The following CNGB1 variants were observed in gnomAD, a reference collection of about 807,000 sequenced individuals.
CNGB1 encodes cyclic nucleotide-gated channel beta-1.
A neutral mutation model predicts 151.7 loss-of-function variants in CNGB1; 126 were observed. The ratio of observed to expected loss-of-function variants is 0.83; its 90% confidence interval spans 0.72 to 0.96. The LOEUF (loss-of-function observed/expected upper bound fraction) is 0.96, where lower values mean the gene tolerates loss of function less well. Among genes scored for constraint, CNGB1 ranks in the 40% least tolerant of loss-of-function variants. The probability of loss-of-function intolerance (pLI) is 0.00; values close to 1 mark genes in which losing one functional copy is unlikely to be tolerated. For synonymous variants in CNGB1, 623 were observed against 635.1 expected (o/e 0.98, Z 0.29); for missense variants, 1,698 against 1,627.0 (o/e 1.04, Z -0.75).
chr16:57,965,272 C>T (rs1452144518), intron 2 of CNGB1, among the ~76,000 whole-genome samples: 7 of 151,934 alleles, frequency 4.6e-5, no homozygotes, highest in Non-Finnish European at 7.4e-5. Flanking sequence ...TGTGCACACA[C>T]GTACAGGCAA....
Position 57,931,779 on chromosome 16 carries a change from G to T in CNGB1, c.1472C>A (p.Pro491Gln), listed in dbSNP as rs199960733. ...GTCTGATTTGGCAGGAGACGGTGGC[G>T]GCAACACGGTTGAGGGTGGATTCTC... ...AEENPPSTVL[P>Q]PPSPAKSDTL... Residue 491 changes from proline to glutamine, a missense_variant, in exon 17 of 33, where the codon CCG (proline) becomes CAG (glutamine). Transcript: ENST00000251102. The T allele has an allele frequency of 6.2e-7, 1 of 1,614,140 alleles. No individual in the cohort carries two copies. Among genetic ancestry groups the T allele is most frequent in the South Asian group, 1.1e-5 (1 of 91,080 alleles).
At chr16:57,968,133 G>A (rs149523457) in intron 1 of CNGB1, among the ~76,000 whole-genome samples, 66 of 152,320 alleles carry the variant, frequency 4.3e-4, no homozygotes, top group East Asian at 3.1e-3. Flanking sequence ...CAGTTTGCTT[G>A]TCTGTAAAAT....
rs369555836 is a variant in CNGB1 at position 57,902,061 on chromosome 16, ATGTTTTTGTTGT to A, written c.2795-448_2795-437del. On this transcript the variant is annotated intron_variant, in intron 27 of 32. Transcript: ENST00000251102. ...CCTGTTTTTTTTGTTGTTGTTATTT[ATGTTTTTGTTGT>A]TGTTGTTGTTGTTGTTTTAGACAGT... 3.9e-3 allele frequency among the ~76,000 whole-genome samples: 584 copies of A among 151,122 alleles called. 1 individual carries two copies. The highest frequency in any genetic ancestry group is 0.014 in the African/African-American group (553 of 40,700).
At chr16:57,895,667 C>T (rs1399508818) in intron 31 of CNGB1, among the ~76,000 whole-genome samples, 1 of 151,772 alleles carries the variant, frequency 6.6e-6, no homozygotes, top group African/African-American at 2.4e-5. Context: ...GCTCCTAGGA[C>T]TCAGATCGTG....
chr16:57,945,778 C>A (rs1597002000), intron 14 of CNGB1, among the ~76,000 whole-genome samples: 1 of 152,328 alleles, frequency 6.6e-6, no homozygotes, highest in South Asian at 2.1e-4. Context: ...GCCATTCAGG[C>A]TGCCTTAGCC....
chr16:57,910,469 G>C (rs1341624542), intron 25 of CNGB1, among the ~76,000 whole-genome samples: 6 of 152,050 alleles, frequency 3.9e-5, no homozygotes, highest in African/African-American at 1.5e-4. Flanking sequence ...CCACCTCCCG[G>C]GTTCAAGTGA....
In CNGB1 at chr16:57,960,014, G is replaced by T. The variant is rs376293844; in HGVS notation, c.635C>A (p.Thr212Asn). The change falls in exon 10 of 33, where the codon ACC becomes AAC. Residue 212 changes from threonine to asparagine, a missense_variant. By Grantham distance (65) the Thr-to-Asn change is moderately conservative (BLOSUM62 0). Transcript: ENST00000251102. ...GGGGATGGGTGTGGGCAGGGAGGGG[G>T]TCTCCCGGGCCTGCAGCTTGGGCCC... ...EMGPKLQARE[T>N]PSLPTPIPLQ... 6 of 1,578,394 alleles carry T rather than the reference G, an allele frequency of 3.8e-6. No individual in the cohort carries two copies. The highest frequency in any genetic ancestry group is 5.2e-6 in the Non-Finnish European group (6 of 1,164,130).
intron 31 of CNGB1, 35 bp from the exon 32 acceptor site, chr16:57,888,109 G>T (rs762303235): frequency 6.3e-6 from 10 of 1,593,836 alleles, no homozygotes; most frequent in Non-Finnish European, 8.6e-6. Context: ...CATCACAGAC[G>T]CACTCTGGGG....
At chr16:57,933,528 A>G (rs902577936) in intron 16 of CNGB1, among the ~76,000 whole-genome samples, 1 of 152,130 alleles carries the variant, frequency 6.6e-6, no homozygotes, top group Non-Finnish European at 1.5e-5. Context: ...CCCAAGTCCA[A>G]GCTCAGAGGA....
chr16:57,924,483 A>G (rs1961131919), intron 17 of CNGB1, among the ~76,000 whole-genome samples: 1 of 152,224 alleles, frequency 6.6e-6, no homozygotes, highest in Admixed American at 6.5e-5. Context: ...AAGAATGGTC[A>G]TTATTAATGA....
chr16:57,901,421 C>T lies in CNGB1; in HGVS notation c.2907G>A (p.Gln969=), dbSNP rs1328310102. ...KVALFQGCDR[Q]MIFDMLKRLR... is the part of the protein sequence containing the mutation. The stretch of plus-strand genomic sequence containing the variant: ...GCCTCTTCAGCATGTCAAAGATCAT[C>T]TGCCGGTCACAGCCCTGTCCCGGTG... Residue 969 remains glutamine, a synonymous_variant, in exon 29 of 33, where the codon CAG becomes CAA. Transcript: ENST00000251102. The T allele has an allele frequency of 6.2e-7, 1 of 1,614,244 alleles. No homozygotes were observed. The highest frequency in any genetic ancestry group is 8.5e-7 in the Non-Finnish European group (1 of 1,180,046).
At chr16:57,945,400 GGCTTCCTGGGGTCCT>G (rs1254815874) in intron 14 of CNGB1, among the ~76,000 whole-genome samples, 28 of 152,244 alleles carry the variant, frequency 1.8e-4, no homozygotes, top group Non-Finnish European at 5.9e-5. Context: ...CCCAGCCAGA[GGCTTCCTGGGGTCCT>G]GCTTATTCCA....
chr16:57,935,645 C>T (rs1050984797), intron 16 of CNGB1, among the ~76,000 whole-genome samples: 4 of 149,492 alleles, frequency 2.7e-5, no homozygotes, highest in South Asian at 2.1e-4. Context: ...AAGACTCCGT[C>T]CCCCCCCAAA....
intron 1 of CNGB1, among the ~76,000 whole-genome samples, chr16:57,969,816 C>T (rs1316018174): frequency 2.0e-5 from 3 of 152,204 alleles, no homozygotes; most frequent in East Asian, 3.9e-4. Flanking sequence ...CAGTGCGCAG[C>T]GTGCAGGTCA....
intron 23 of CNGB1, among the ~76,000 whole-genome samples, chr16:57,913,212 A>T (rs1261817062): frequency 6.6e-6 from 1 of 152,200 alleles, no homozygotes; most frequent in Non-Finnish European, 1.5e-5. Context: ...TCCCTTGGAA[A>T]TGACATGTAA....
At chr16:57,966,992 G>A (rs1466552661) in intron 2 of CNGB1, 136 bp downstream of exon 2, 1 of 1,213,662 alleles carries the variant, frequency 8.2e-7, no homozygotes, top group African/African-American at 1.5e-5. Flanking sequence ...AACAAGTGTG[G>A]GACCCTGTGA....
chr16:57,918,362 C>T (rs951024971), intron 20 of CNGB1, among the ~76,000 whole-genome samples: 1 of 152,108 alleles, frequency 6.6e-6, no homozygotes, highest in African/African-American at 2.4e-5. Context: ...CTCTCTGGCA[C>T]CTGCCCTCTT....
At chr16:57,940,376 G>T (rs1961636920) in intron 14 of CNGB1, 55 bp from the exon 15 acceptor site, 1 of 1,526,782 alleles carries the variant, frequency 6.5e-7, no homozygotes, top group Non-Finnish European at 8.9e-7. Flanking sequence ...GGTGTTAAAG[G>T]TTTCCCCAGC....
chr16:57,906,317 G>A (rs11640102), intron 25 of CNGB1, among the ~76,000 whole-genome samples: 21,444 of 152,244 alleles, frequency 0.14, 1,816 homozygotes, highest in Non-Finnish European at 0.19. Flanking sequence ...AGCCTGGCAC[G>A]TGGTGGACTC....
Sources: gnomAD v4.1 joint callset for allele counts (sites outside exome capture counted in the v4.1 genomes callset) on GRCh38, gnomAD v4.1.1 for gene constraint, MANE v1.5 for transcripts, NCBI Gene and HGNC (gene_info 2026-07-23, HGNC 2026-07-21) for gene names.